TRDMT1: variants seen among roughly 807,000 people sequenced by gnomAD.
TRDMT1 encodes the protein tRNA aspartic acid methyltransferase 1.
In TRDMT1, 49 loss-of-function variants were observed where a neutral mutation model predicts 51.2. That is an observed-to-expected ratio of 0.96 (90% confidence interval 0.76 to 1.21). The LOEUF is 1.21. Among genes scored for constraint, TRDMT1 ranks in the 50% most tolerant of loss-of-function variants. The pLI is 0.00. For synonymous variants in TRDMT1, 187 were observed against 164.6 expected (o/e 1.14, Z -1.04); for missense variants, 534 against 462.3 (o/e 1.16, Z -1.42).
chr10:17,174,462 A>G, intron 2 of TRDMT1, 89 bp downstream of exon 2: 1 of 833,690 alleles, frequency 1.2e-6, no homozygotes, highest in Middle Eastern at 2.3e-4. Flanking sequence ...TTTATCTTCC[A>G]ATTAAGACAA....
At position 17,147,478 on chromosome 10, in the gene TRDMT1, G is replaced by A. The variant is rs1838221341; in HGVS notation, c.*1562C>T. 1 of 452,510 alleles carries A rather than the reference G, an allele frequency of 2.2e-6. No homozygotes were observed. Among genetic ancestry groups the A allele is most frequent in the Non-Finnish European group, 2.9e-6 (1 of 343,236 alleles). 28.0% of individuals were successfully genotyped at this position (452,510 alleles called of 1,614,324 possible). On this transcript the variant is annotated 3_prime_UTR_variant, in exon 11 of 11. Transcript: ENST00000377799. ...GCATTAAGTACACTCACACTGTTGT[G>A]CAACCATCCTCCCCATCCACCTCCA...
chr10:17,168,377 C>T (rs1841497208), intron 3 of TRDMT1, among the ~76,000 whole-genome samples: 1 of 152,096 alleles, frequency 6.6e-6, no homozygotes, highest in African/African-American at 2.4e-5. Context: ...AATTTCCGAA[C>T]TATGAAATGC....
chr10:17,148,856 A>G lies in TRDMT1; in HGVS notation c.*184T>C. On this transcript the variant is annotated 3_prime_UTR_variant, in exon 11 of 11. Coordinates refer to ENST00000377799, the MANE Select transcript of TRDMT1 (RefSeq NM_004412.7). ...AGCATAACAATAGTTCGTATTTTAT[A>G]AAATACAGTAATATAAATTTGATGA... 8.3e-7 allele frequency: 1 copy of G among 1,203,676 alleles called. No homozygotes were observed. The highest frequency in any genetic ancestry group is 3.2e-4 in the Middle Eastern group (1 of 3,102). The allele number at this position is 1,203,676 out of a possible 1,614,324, so 74.6% of individuals were successfully genotyped here.
rs1838067296 is a variant in TRDMT1 at position 17,145,948 on chromosome 10, A to G, written c.*3092T>C. ...CAGAAGTCTCCAGCTTAATCACTCT[A>G]GACCTCAACTAGGTTGAGATGGGAG... On this transcript the variant is annotated 3_prime_UTR_variant, in exon 11 of 11. Coordinates refer to ENST00000377799, the MANE Select transcript of TRDMT1 (RefSeq NM_004412.7). 2 of 985,416 alleles carry G rather than the reference A, an allele frequency of 2.0e-6. No individual in the cohort carries two copies. The highest frequency in any genetic ancestry group is 4.7e-5 in the South Asian group (1 of 21,284). 61.0% of individuals were successfully genotyped at this position (985,416 alleles called of 1,614,324 possible). A position where few individuals can be genotyped will look rare whatever the true frequency, so the allele number is the denominator to read the frequency against.
intron 1 of TRDMT1, among the ~76,000 whole-genome samples, chr10:17,200,952 G>C (rs978374627): frequency 6.6e-6 from 1 of 152,142 alleles, no homozygotes; most frequent in Non-Finnish European, 1.5e-5. Flanking sequence ...TGTTCACGAA[G>C]TAGCCCAACG....
At chr10:17,172,040 A>G (rs1341540609) in intron 2 of TRDMT1, 3 of 167,040 alleles carry the variant, frequency 1.8e-5, no homozygotes, top group Non-Finnish European at 4.4e-5. Flanking sequence ...GAAAGTGAAG[A>G]AAGAGAACAG....
At chr10:17,171,904 T>G (rs1218973156) in intron 2 of TRDMT1, 2 of 164,260 alleles carry the variant, frequency 1.2e-5, no homozygotes, top group African/African-American at 4.8e-5. Context: ...AGAAAAATTT[T>G]TATCTATTTT....
At chr10:17,185,350 C>G (rs573955229) in intron 1 of TRDMT1, among the ~76,000 whole-genome samples, 1 of 152,134 alleles carries the variant, frequency 6.6e-6, no homozygotes, top group Non-Finnish European at 1.5e-5. Context: ...CAGAGAGATG[C>G]AAATTAAAAC....
chr10:17,165,227 C>T (rs555962792), intron 3 of TRDMT1, among the ~76,000 whole-genome samples: 2 of 152,274 alleles, frequency 1.3e-5, no homozygotes, highest in South Asian at 4.1e-4. Flanking sequence ...TTATCTACAA[C>T]TATCTGATCT....
chr10:17,149,768 AACAT>A (rs1838451961), intron 10 of TRDMT1, among the ~76,000 whole-genome samples: 3 of 152,142 alleles, frequency 2.0e-5, no homozygotes, highest in Admixed American at 2.0e-4. Context: ...TCTTTCACTA[AACAT>A]GTTTTAAACA....
chr10:17,194,841 G>A (rs1176589040), intron 1 of TRDMT1, among the ~76,000 whole-genome samples: 1 of 146,654 alleles, frequency 6.8e-6, no homozygotes, highest in Non-Finnish European at 1.5e-5. Context: ...GCTCAGGCAG[G>A]AGAATAGCTT....
intron 1 of TRDMT1, among the ~76,000 whole-genome samples, chr10:17,189,395 T>A (rs1418716464): frequency 2.0e-5 from 3 of 152,122 alleles, no homozygotes; most frequent in Non-Finnish European, 4.4e-5. Flanking sequence ...CCATAAAAAA[T>A]TTAGAAAAAT....
Position 17,183,777 on chromosome 10 carries a change from C to T in TRDMT1, c.65-9117G>A, listed in dbSNP as rs186430160. ...CAAAAAAATGACTCTTATTTTGGAA[C>T]GAAAGAATTCAATGCTGCTCTTGGT... On this transcript the variant is annotated intron_variant, in intron 1 of 10. Coordinates refer to ENST00000377799, the MANE Select transcript of TRDMT1 (RefSeq NM_004412.7). Among the ~76,000 whole-genome samples the T allele has an allele frequency of 3.9e-5, 6 of 152,214 alleles. No homozygotes were observed. The East Asian group carries it at 5.8e-4, about 15-fold the overall frequency.
At chr10:17,167,355 C>T (rs1841356881) in intron 3 of TRDMT1, among the ~76,000 whole-genome samples, 1 of 152,126 alleles carries the variant, frequency 6.6e-6, no homozygotes, top group African/African-American at 2.4e-5. Context: ...CAAATCTTGG[C>T]TCTGACATTC....
At chr10:17,183,938 A>G (rs953016371) in intron 1 of TRDMT1, among the ~76,000 whole-genome samples, 2 of 152,186 alleles carry the variant, frequency 1.3e-5, no homozygotes, top group African/African-American at 4.8e-5. Flanking sequence ...AACTCATTAT[A>G]ATTACAACAA....
chr10:17,191,037 TATCAGGGAG>T (rs1588672076), intron 1 of TRDMT1, among the ~76,000 whole-genome samples: 1 of 152,222 alleles, frequency 6.6e-6, no homozygotes, highest in East Asian at 1.9e-4. Flanking sequence ...GCCTGACAGA[TATCAGGGAG>T]AAGCACTTTC....
chr10:17,177,451 C>T (rs1330419168), intron 1 of TRDMT1, among the ~76,000 whole-genome samples: 1 of 152,094 alleles, frequency 6.6e-6, no homozygotes, highest in Non-Finnish European at 1.5e-5. Flanking sequence ...ATCTGCCTGC[C>T]TCAGCCTTCC....
chr10:17,145,141 G>C lies in TRDMT1; in HGVS notation c.*3899C>G, dbSNP rs1837989818. 1.7e-6 allele frequency: 1 copy of C among 586,724 alleles called. No individual in the cohort carries two copies. The highest frequency in any genetic ancestry group is 2.1e-6 in the Non-Finnish European group (1 of 466,084). The allele number at this position is 586,724 out of a possible 1,614,324, so 36.3% of individuals were successfully genotyped here. ...ATGCGCCTGTAATCCCAGCTACTAGGGAGGCTGAGGCAGGAAAATCACTTT... is the reference window on the plus strand; with the variant it reads ...ATGCGCCTGTAATCCCAGCTACTAGCGAGGCTGAGGCAGGAAAATCACTTT... On this transcript the variant is annotated 3_prime_UTR_variant, in exon 11 of 11. Coordinates refer to ENST00000377799, the MANE Select transcript of TRDMT1 (RefSeq NM_004412.7).
intron 2 of TRDMT1, chr10:17,169,502 G>A (rs12269416): frequency 1.6e-6 from 2 of 1,289,648 alleles, no homozygotes; most frequent in South Asian, 2.5e-5. Flanking sequence ...ATTCCTAATG[G>A]GCTAAGTAGC....
Sources: gnomAD v4.1 joint callset for allele counts (sites outside exome capture counted in the v4.1 genomes callset) on GRCh38, gnomAD v4.1.1 for gene constraint, MANE v1.5 for transcripts, NCBI Gene and HGNC (gene_info 2026-07-23, HGNC 2026-07-21) for gene names.